DUSP14: variants seen among roughly 807,000 people sequenced by gnomAD.
DUSP14 encodes dual specificity protein phosphatase 14.
A neutral mutation model predicts 13.2 loss-of-function variants in DUSP14; 5 were observed. The observed-to-expected ratio is 0.38, with a 90% CI of 0.20 to 0.80. The LOEUF (loss-of-function observed/expected upper bound fraction) is 0.80, where lower values mean the gene tolerates loss of function less well. DUSP14 is among the 30% of genes least tolerant of loss of function. DUSP14 has a pLI of 0.44. For synonymous variants in DUSP14, 91 were observed against 103.4 expected (o/e 0.88, Z 0.73); for missense variants, 185 against 264.0 (o/e 0.70, Z 2.07).
intron 1 of DUSP14, among the ~76,000 whole-genome samples, chr17:37,500,322 GAT>G (rs1220579394): frequency 6.6e-6 from 1 of 152,218 alleles, no homozygotes; most frequent in Non-Finnish European, 1.5e-5. Context: ...TAAGGATTTT[GAT>G]ATGTCTGATG....
At position 37,490,713 on chromosome 17, in the gene DUSP14, A is replaced by T. The variant is rs543938362; in HGVS notation, c.-181+755A>T. The stretch of plus-strand genomic sequence containing the variant: ...TACCATGCAGAGATTTTTTTTTTTT[A>T]AAACCACCTTGTACTTTCTATCCAG... On this transcript the variant is annotated intron_variant, in intron 1 of 2. Coordinates refer to ENST00000617516, the MANE Select transcript of DUSP14 (RefSeq NM_007026.4). 2.0e-3 allele frequency among the ~76,000 whole-genome samples: 294 copies of T among 144,618 alleles called. 1 individual carries two copies. The highest frequency in any genetic ancestry group is 5.9e-3 in the African/African-American group (233 of 39,480). The allele number at this position is 144,618 out of a possible 152,430, so 94.9% of individuals were successfully genotyped here.
At chr17:37,499,934 C>A (rs781496970) in intron 1 of DUSP14, among the ~76,000 whole-genome samples, 31 of 152,222 alleles carry the variant, frequency 2.0e-4, no homozygotes, top group Non-Finnish European at 4.3e-4. Flanking sequence ...AAGGGAATAA[C>A]TTCAGGATCC....
At chr17:37,510,320 G>GA (rs2054174687) in intron 1 of DUSP14, 1 of 152,264 alleles carries the variant, frequency 6.6e-6, no homozygotes, top group Non-Finnish European at 1.5e-5. Flanking sequence ...ACGGTGCATG[G>GA]AAGAGACTCG....
chr17:37,501,857 A>G (rs535167906), intron 1 of DUSP14, among the ~76,000 whole-genome samples: 14 of 152,206 alleles, frequency 9.2e-5, no homozygotes, highest in African/African-American at 3.4e-4. Flanking sequence ...GAGAAAAAGC[A>G]TGGTATACAA....
chr17:37,511,937 A>AGGTTTTTTTTTTTTTTTT (rs1329764853), intron 2 of DUSP14, among the ~76,000 whole-genome samples: 4 of 16,434 alleles, frequency 2.4e-4, no homozygotes, highest in Admixed American at 8.2e-4. Context: ...CCCCCACCCC[A>AGGTTTTTTTTTTTTTTTT]CTTTTTTTTT....
At chr17:37,502,538 C>T (rs951834436) in intron 1 of DUSP14, among the ~76,000 whole-genome samples, 1 of 152,086 alleles carries the variant, frequency 6.6e-6, no homozygotes. Context: ...GAATTTGGAC[C>T]TCACTAGTAG....
At chr17:37,492,844 G>C (rs1295384072) in intron 1 of DUSP14, among the ~76,000 whole-genome samples, 1 of 152,124 alleles carries the variant, frequency 6.6e-6, no homozygotes, top group Non-Finnish European at 1.5e-5. Flanking sequence ...AAACTACCCT[G>C]ACTTTTATGG....
In DUSP14 at chr17:37,512,847, T is replaced by G. The variant is rs1365618852; in HGVS notation, c.575T>G (p.Leu192Arg). 1 of 1,604,356 alleles carries G rather than the reference T, an allele frequency of 6.2e-7. No individual in the cohort carries two copies. The highest frequency in any genetic ancestry group is 2.2e-5 in the East Asian group (1 of 44,578). The change falls in exon 3 of 3, where the codon CTG (leucine) becomes CGG (arginine). Residue 192 changes from leucine (L) to arginine (R), a missense_variant. Transcript: ENST00000617516. The surrounding 1 kb of genome is among the most constrained non-coding windows in gnomAD (Gnocchi z 4.8). Reference protein sequence around the residue: ...PDVYEKESRHLMPYWGI With the variant: ...PDVYEKESRHRMPYWGI ...GTCTATGAGAAGGAGTCCCGACACC[T>G]GATGCCTTACTGGGGGATTTAGTGC...
intron 1 of DUSP14, among the ~76,000 whole-genome samples, chr17:37,507,731 G>A (rs1385090591): frequency 6.6e-6 from 1 of 152,142 alleles, no homozygotes; most frequent in Non-Finnish European, 1.5e-5. Context: ...AAGCCACCGT[G>A]TCTATGGCCA....
chr17:37,508,576 G>A (rs934041449), intron 1 of DUSP14, among the ~76,000 whole-genome samples: 5 of 151,850 alleles, frequency 3.3e-5, no homozygotes, highest in African/African-American at 9.7e-5. Flanking sequence ...TCTACTTAAA[G>A]TACAAAAAAT....
Position 37,512,423 on chromosome 17 carries a change from C to T in DUSP14, c.151C>T (p.Arg51Cys). The T allele has an allele frequency of 6.2e-7, 1 of 1,614,176 alleles. No homozygotes were observed. The highest frequency in any genetic ancestry group is 8.5e-7 in the Non-Finnish European group (1 of 1,180,042). Residue 51 changes from arginine to cysteine, a missense_variant, in exon 3 of 3, where the codon CGT becomes TGT. Arg to Cys is a radical substitution (Grantham distance 180, BLOSUM62 -3). Coordinates refer to ENST00000617516, the MANE Select transcript of DUSP14 (RefSeq NM_007026.4). The surrounding 1 kb of genome is among the most constrained non-coding windows in gnomAD (Gnocchi z 4.8). ...CTCCAATCGGCACCTCCTCCAGGCT[C>T]GTGGCATCACCTGCATTGTTAATGC... is the stretch of plus-strand genomic sequence containing the variant. ...VASNRHLLQA[R>C]GITCIVNATI...
At position 37,495,651 on chromosome 17, in the gene DUSP14, G is replaced by GT. The variant is rs747149444; in HGVS notation, c.-181+5701dup. On this transcript the variant is annotated intron_variant, in intron 1 of 2. Transcript: ENST00000617516. ...AGTAGGTGAACTTGCTTTAAGTTTTGTTTTTTTTGTTTTTTTGTTTTTTTT... is the reference window on the plus strand; with the variant it reads ...AGTAGGTGAACTTGCTTTAAGTTTTGTTTTTTTTTGTTTTTTTGTTTTTTTT... Among the ~76,000 whole-genome samples the GT allele has an allele frequency of 3.6e-3, 453 of 124,220 alleles. 1 individual carries two copies. Among genetic ancestry groups the GT allele is most frequent in the Non-Finnish European group, 5.6e-3 (328 of 58,174 alleles). 81.5% of individuals were successfully genotyped at this position (124,220 alleles called of 152,430 possible).
chr17:37,489,753 T>G (rs1322279512), upstream of DUSP14: 1 of 147,328 alleles, frequency 6.8e-6, no homozygotes, highest in Non-Finnish European at 1.5e-5. Flanking sequence ...GCGCGCCGCC[T>G]GCCGCCCCGC....
At position 37,509,141 on chromosome 17, in the gene DUSP14, A is replaced by ATATATG. The variant is rs1568204483; in HGVS notation, c.-180-1536_-180-1535insTATATG. Among the ~76,000 whole-genome samples the ATATATG allele has an allele frequency of 1.5e-4, 10 of 65,942 alleles. 1 individual carries two copies. The South Asian group carries it at 1.9e-3, about 13-fold the overall frequency. 43.3% of individuals were successfully genotyped at this position (65,942 alleles called of 152,430 possible). A position where few individuals can be genotyped will look rare whatever the true frequency, so the allele number is the denominator to read the frequency against. ...TATATATATATATACACACACACAC[A>ATATATG]CACACACACACACACACACACACAC... On this transcript the variant is annotated intron_variant, in intron 1 of 2. Transcript: ENST00000617516.
chr17:37,501,778 A>G (rs1320737759), intron 1 of DUSP14, among the ~76,000 whole-genome samples: 1 of 152,120 alleles, frequency 6.6e-6, no homozygotes, highest in Non-Finnish European at 1.5e-5. Context: ...CGGCCTTCCA[A>G]AGTGCTGGGA....
At chr17:37,502,144 A>G (rs1568201947) in intron 1 of DUSP14, among the ~76,000 whole-genome samples, 2 of 151,968 alleles carry the variant, frequency 1.3e-5, no homozygotes, top group Non-Finnish European at 2.9e-5. Context: ...TAAAATAACT[A>G]TTTGTTTTGT....
rs1329764853 is a variant in DUSP14, at chr17:37,511,937, A to AGTTTTTTTTTTTTTTTTTTTTTTT, written c.-92-244_-92-243insGTTTTTTTTTTTTTTTTTTTTTTT. The stretch of plus-strand genomic sequence containing the variant: ...TGCCCAGCCACCCCCCCCCCACCCC[A>AGTTTTTTTTTTTTTTTTTTTTTTT]CTTTTTTTTTTTTTTTTTTGGACAA... On this transcript the variant is annotated intron_variant, in intron 2 of 2. Coordinates refer to ENST00000617516, the MANE Select transcript of DUSP14 (RefSeq NM_007026.4). 1.2e-3 allele frequency among the ~76,000 whole-genome samples: 20 copies of AGTTTTTTTTTTTTTTTTTTTTTTT among 16,436 alleles called. 4 individuals carry two copies. Among genetic ancestry groups the AGTTTTTTTTTTTTTTTTTTTTTTT allele is most frequent in the Admixed American group, 3.3e-3 (4 of 1,212 alleles). The allele number at this position is 16,436 out of a possible 152,430, so 10.8% of individuals were successfully genotyped here. A position where few individuals can be genotyped will look rare whatever the true frequency, so the allele number is the denominator to read the frequency against.
At chr17:37,494,150 T>C (rs544457434) in intron 1 of DUSP14, among the ~76,000 whole-genome samples, 13 of 152,146 alleles carry the variant, frequency 8.5e-5, no homozygotes, top group African/African-American at 2.6e-4. Flanking sequence ...CCCGTCACCA[T>C]GCCCGGCTAA....
chr17:37,507,641 CG>C (rs545995241), intron 1 of DUSP14, among the ~76,000 whole-genome samples: 102 of 152,212 alleles, frequency 6.7e-4, no homozygotes, highest in Non-Finnish European at 1.2e-3. Flanking sequence ...TTAGTAGAGA[CG>C]GGGTTTCACC....
Sources: allele counts gnomAD v4.1 joint callset (sites outside exome capture counted in the v4.1 genomes callset), GRCh38; gene constraint gnomAD v4.1.1; non-coding constraint Gnocchi (gnomAD v3.1); transcripts MANE v1.5; gene names NCBI Gene and HGNC (gene_info 2026-07-23, HGNC 2026-07-21).